Variants in PHACTR1 observed in about 807,000 individuals in gnomAD.
PHACTR1 encodes RPEL repeat containing 1.
In PHACTR1, 16 loss-of-function variants were observed where a neutral mutation model predicts 69.2. That is an observed-to-expected ratio of 0.23 (90% CI 0.16 to 0.35). The LOEUF (loss-of-function observed/expected upper bound fraction) is 0.35, where lower values mean the gene tolerates loss of function less well. Among genes scored for constraint, PHACTR1 ranks in the 10% least tolerant of loss-of-function variants. The pLI, the probability that PHACTR1 is intolerant of heterozygous loss-of-function variation, is 1.00. For missense variants in PHACTR1, 510 were observed against 734.7 expected (o/e 0.69, Z 3.54); for synonymous variants, 312 against 284.5 (o/e 1.10, Z -0.97).
intron 13 of PHACTR1, 87 bp from the exon 14 acceptor site, chr6:13,286,059 A>G: frequency 8.7e-7 from 1 of 1,144,380 alleles, no homozygotes; most frequent in Non-Finnish European, 1.2e-6. Context: ...GTTGAAGAAG[A>G]AAAATATGTT....
intron 6 of PHACTR1, among the ~76,000 whole-genome samples, chr6:13,166,695 C>A (rs1017973771): frequency 6.6e-6 from 1 of 152,064 alleles, no homozygotes; most frequent in Non-Finnish European, 1.5e-5. Context: ...CAGATAGTGT[C>A]TTTAAGTGGT....
chr6:13,222,305 G>T (rs1415891428), intron 8 of PHACTR1, among the ~76,000 whole-genome samples: 1 of 152,208 alleles, frequency 6.6e-6, no homozygotes, highest in African/African-American at 2.4e-5. Context: ...AGACCACTGA[G>T]TGTCATTCAG....
intron 5 of PHACTR1, among the ~76,000 whole-genome samples, chr6:13,153,330 C>T (rs1179387896): frequency 6.6e-6 from 1 of 152,158 alleles, no homozygotes. Context: ...GACATGCCAA[C>T]CTTTAAATAC....
intron 4 of PHACTR1, among the ~76,000 whole-genome samples, chr6:12,928,622 T>TCCATCCAG (rs201594175): frequency 2.2e-5 from 1 of 44,772 alleles, no homozygotes; most frequent in African/African-American, 4.2e-5. Flanking sequence ...CACCCACCCA[T>TCCATCCAG]CCATCCATCC....
At chr6:13,046,101 A>C (rs1261660936) in intron 4 of PHACTR1, among the ~76,000 whole-genome samples, 2 of 152,098 alleles carry the variant, frequency 1.3e-5, no homozygotes, top group Non-Finnish European at 2.9e-5. Context: ...CTCCCTCCAG[A>C]GATGTAGTGG....
intron 4 of PHACTR1, among the ~76,000 whole-genome samples, chr6:12,862,000 G>A (rs1268763426): frequency 6.6e-6 from 1 of 152,198 alleles, no homozygotes; most frequent in Non-Finnish European, 1.5e-5. Flanking sequence ...ATTACCATGT[G>A]TAAGTTACTA....
intron 10 of PHACTR1, chr6:13,252,874 T>C (rs559529448): frequency 6.7e-6 from 2 of 296,638 alleles, no homozygotes; most frequent in South Asian, 5.6e-5. Context: ...ATAGAAAACT[T>C]AGCAAAATAT....
intron 4 of PHACTR1, among the ~76,000 whole-genome samples, chr6:12,976,818 G>A (rs1794931880): frequency 6.6e-6 from 1 of 152,072 alleles, no homozygotes; most frequent in African/African-American, 2.4e-5. Context: ...CAGTGCTTGT[G>A]TTCACGTAAC....
intron 4 of PHACTR1, among the ~76,000 whole-genome samples, chr6:12,820,550 C>A (rs539748993): frequency 6.6e-6 from 1 of 152,260 alleles, no homozygotes; most frequent in African/African-American, 2.4e-5. Flanking sequence ...TATATAACAT[C>A]CCTCTCCTCC....
intron 4 of PHACTR1, among the ~76,000 whole-genome samples, chr6:13,000,421 A>T (rs888281439): frequency 6.6e-6 from 1 of 152,106 alleles, no homozygotes; most frequent in East Asian, 1.9e-4. Context: ...GGTGGTGCAC[A>T]TCTGTGGTCC....
chr6:13,177,072 T>C (rs1383871454), intron 6 of PHACTR1, among the ~76,000 whole-genome samples: 1 of 149,728 alleles, frequency 6.7e-6, no homozygotes, highest in East Asian at 2.0e-4. Flanking sequence ...ATATGGTGGC[T>C]CATTCCTGTA....
At position 12,807,456 on chromosome 6, in the gene PHACTR1, G is replaced by A. The variant is rs889472747; in HGVS notation, c.250+57666G>A. The stretch of plus-strand genomic sequence containing the variant: ...GGATGCTAGTGTATATCGAGGAGTT[G>A]ATTCTCCATGTTAATTATTGTGCCA... On this transcript the variant is annotated intron_variant, in intron 4 of 14. Coordinates refer to ENST00000332995, the MANE Select transcript of PHACTR1 (RefSeq NM_030948.6). 4.6e-5 allele frequency among the ~76,000 whole-genome samples: 7 copies of A among 152,072 alleles called. No homozygotes were observed. The East Asian group carries it at 1.3e-3, about 29-fold the overall frequency.
intron 4 of PHACTR1, among the ~76,000 whole-genome samples, chr6:12,880,622 C>T (rs1422919922): frequency 3.3e-5 from 5 of 151,694 alleles, no homozygotes; most frequent in South Asian, 2.1e-4. Flanking sequence ...AGTTCATAGT[C>T]GTATAAAGGA....
chr6:12,841,715 T>A (rs1166336907), intron 4 of PHACTR1, among the ~76,000 whole-genome samples: 1 of 152,194 alleles, frequency 6.6e-6, no homozygotes, highest in African/African-American at 2.4e-5. Context: ...TAAAAATCAG[T>A]GTTCTATTTA....
At chr6:13,034,445 T>C (rs1236565841) in intron 4 of PHACTR1, among the ~76,000 whole-genome samples, 1 of 152,208 alleles carries the variant, frequency 6.6e-6, no homozygotes, top group Admixed American at 6.5e-5. Context: ...TATAGATTTT[T>C]CCCCTCCAAA....
intron 7 of PHACTR1, among the ~76,000 whole-genome samples, chr6:13,189,208 A>G (rs1763185845): frequency 6.6e-6 from 1 of 152,192 alleles, no homozygotes; most frequent in South Asian, 2.1e-4. Context: ...ACTTTACCAC[A>G]TACTCTTTGA....
rs184101472 is a variant in PHACTR1, at chr6:13,176,702, C to T, written c.497-5817C>T. On this transcript the variant is annotated intron_variant, in intron 6 of 14. Transcript: ENST00000332995. ...TATTTGTTTCTACTATTCTATTTTT[C>T]GTACATTTTTATTCTGGTTTTAAAG... Among the ~76,000 whole-genome samples the T allele has an allele frequency of 1.4e-4, 21 of 152,106 alleles. No homozygotes were observed. In the South Asian group the frequency reaches 2.3e-3, roughly 17 times the overall value.
rs1392127645 is a variant in PHACTR1 at position 13,025,403 on chromosome 6, G to A, written c.251-27962G>A. Among the ~76,000 whole-genome samples the A allele has an allele frequency of 2.0e-5, 3 of 152,332 alleles. No homozygotes were observed. In the East Asian group the frequency reaches 5.8e-4, roughly 29 times the overall value. On this transcript the variant is annotated intron_variant, in intron 4 of 14. Transcript: ENST00000332995. ...ATACAAACCAGATAAAAGGGAGATTGCTCTGGTTTAGGCCAGATGGGCAGG... is the reference window on the plus strand; with the variant it reads ...ATACAAACCAGATAAAAGGGAGATTACTCTGGTTTAGGCCAGATGGGCAGG...
At chr6:12,783,228 T>G (rs781335016) in intron 4 of PHACTR1, among the ~76,000 whole-genome samples, 31 of 152,214 alleles carry the variant, frequency 2.0e-4, no homozygotes, top group Non-Finnish European at 4.4e-4. Flanking sequence ...CCAGGTAGGT[T>G]GCACGAAAGG....
Sources: gnomAD v4.1 joint callset for allele counts (sites outside exome capture counted in the v4.1 genomes callset) on GRCh38, gnomAD v4.1.1 for gene constraint, MANE v1.5 for transcripts, NCBI Gene and HGNC (gene_info 2026-07-23, HGNC 2026-07-21) for gene names.